The following MORC1 variants were observed in gnomAD, a reference collection of about 807,000 sequenced individuals.
The protein encoded by MORC1 is MORC family CW-type zinc finger 1.
A neutral mutation model predicts 134.9 loss-of-function variants in MORC1; 59 were observed. The observed-to-expected ratio is 0.44, with a 90% CI of 0.35 to 0.54. The LOEUF is 0.54. Ranked by LOEUF, MORC1 falls within the 20% of genes least tolerant of loss-of-function variation. The pLI is 0.00. For synonymous variants in MORC1, 395 were observed against 391.7 expected (o/e 1.01, Z -0.10); for missense variants, 947 against 1,134.5 (o/e 0.83, Z 2.37).
chr3:109,041,775 G>A (rs914203433), intron 14 of MORC1, among the ~76,000 whole-genome samples: 2 of 152,200 alleles, frequency 1.3e-5, no homozygotes, highest in African/African-American at 4.8e-5. Flanking sequence ...TGAACCAGAA[G>A]GCGGAGGTTG....
intron 21 of MORC1, among the ~76,000 whole-genome samples, chr3:108,996,286 GCA>G (rs66629906): frequency 0.022 from 3,283 of 146,448 alleles, 64 homozygotes; most frequent in Non-Finnish European, 0.034. Flanking sequence ...GCGCGCGCGC[GCA>G]CACACACACA....
chr3:108,986,836 A>T lies in MORC1; in HGVS notation c.2257+44T>A, dbSNP rs745660046. On this transcript the variant is annotated intron_variant, in intron 22 of 27. Transcript: ENST00000232603. ...AAGCCATATTGAAAATGTCTCAAACATTATAGCTAATATATATATATACAT... is the reference window on the plus strand; with the variant it reads ...AAGCCATATTGAAAATGTCTCAAACTTTATAGCTAATATATATATATACAT... The T allele has an allele frequency of 3.0e-6, 4 of 1,324,278 alleles. No individual in the cohort carries two copies. In the African/African-American group the frequency reaches 4.5e-5, roughly 15 times the overall value. The allele number at this position is 1,324,278 out of a possible 1,614,324, so 82.0% of individuals were successfully genotyped here.
At chr3:109,027,271 A>G (rs1949099727) in intron 17 of MORC1, among the ~76,000 whole-genome samples, 1 of 152,216 alleles carries the variant, frequency 6.6e-6, no homozygotes, top group Non-Finnish European at 1.5e-5. Context: ...GATTGATAGT[A>G]ATGTTTTATT....
intron 14 of MORC1, 152 bp from the exon 15 acceptor site, chr3:109,035,620 T>C (rs9841629): frequency 0.24 from 114,709 of 479,564 alleles, 15,183 homozygotes; most frequent in Middle Eastern, 0.37. Flanking sequence ...CAATATTGGT[T>C]GTCTCTGAAT....
At chr3:108,984,634 T>C in intron 23 of MORC1, 82 bp downstream of exon 23, 1 of 1,074,010 alleles carries the variant, frequency 9.3e-7, no homozygotes, top group Non-Finnish European at 1.3e-6. Flanking sequence ...ATTTCCTTTC[T>C]TCTTGTATTT....
intron 14 of MORC1, among the ~76,000 whole-genome samples, chr3:109,039,206 G>T (rs1453597695): frequency 6.6e-6 from 1 of 152,114 alleles, no homozygotes; most frequent in Non-Finnish European, 1.5e-5. Context: ...GTGAGCCACC[G>T]TGCCCCGCCT....
chr3:109,068,870 G>T (rs1950255240), intron 9 of MORC1, among the ~76,000 whole-genome samples: 1 of 152,150 alleles, frequency 6.6e-6, no homozygotes, highest in Non-Finnish European at 1.5e-5. Context: ...CGGGCCTGGT[G>T]GGTGGCCAAG....
chr3:109,006,992 A>G, intron 18 of MORC1, 37 bp downstream of exon 18: 1 of 1,523,852 alleles, frequency 6.6e-7, no homozygotes. Flanking sequence ...TGGTTAAAAC[A>G]TGACACAAAT....
intron 24 of MORC1, among the ~76,000 whole-genome samples, chr3:108,978,236 C>T (rs556465179): frequency 1.3e-5 from 2 of 152,310 alleles, no homozygotes; most frequent in South Asian, 4.1e-4. Context: ...GCTTTTGTCC[C>T]ATTTCCAGGC....
At chr3:108,966,727 G>A (rs1287067926) in intron 26 of MORC1, among the ~76,000 whole-genome samples, 1 of 152,148 alleles carries the variant, frequency 6.6e-6, no homozygotes, top group African/African-American at 2.4e-5. Flanking sequence ...CAAGCTCAAT[G>A]GGGAAGGATT....
In MORC1 at chr3:109,063,265, G is replaced by T. The variant is rs186283084; in HGVS notation, c.816-34C>A. Reference sequence around the variant, plus strand: ...AAACAAAAAGAACATAATCAAGTCAGATTATCATTTTAAAATACATAAGAC... The same window carrying T: ...AAACAAAAAGAACATAATCAAGTCATATTATCATTTTAAAATACATAAGAC... On this transcript the variant is annotated intron_variant, in intron 9 of 27. Coordinates refer to ENST00000232603, the MANE Select transcript of MORC1 (RefSeq NM_014429.4). 1.9e-4 allele frequency: 263 copies of T among 1,366,454 alleles called. 3 individuals are homozygous for T. In the African/African-American group the frequency reaches 3.3e-3, roughly 17 times the overall value. 84.6% of individuals were successfully genotyped at this position (1,366,454 alleles called of 1,614,324 possible). A position where few individuals can be genotyped will look rare whatever the true frequency, so the allele number is the denominator to read the frequency against.
chr3:109,036,603 C>T (rs1429428248), intron 14 of MORC1, among the ~76,000 whole-genome samples: 5 of 152,096 alleles, frequency 3.3e-5, no homozygotes, highest in African/African-American at 7.2e-5. Flanking sequence ...CCTTAACATA[C>T]GGCTATGTAA....
intron 26 of MORC1, among the ~76,000 whole-genome samples, chr3:108,966,320 C>T (rs148631836): frequency 3.3e-4 from 50 of 152,266 alleles, no homozygotes; most frequent in African/African-American, 1.2e-3. Context: ...AGCAGTTTTG[C>T]AGCTCCAAAA....
At chr3:109,019,398 C>T (rs1948902581) in intron 17 of MORC1, among the ~76,000 whole-genome samples, 1 of 152,212 alleles carries the variant, frequency 6.6e-6, no homozygotes, top group African/African-American at 2.4e-5. Context: ...TTACAATTAG[C>T]AGTTAATTTC....
At chr3:109,090,513 G>C (rs1950696027) in intron 8 of MORC1, among the ~76,000 whole-genome samples, 1 of 151,368 alleles carries the variant, frequency 6.6e-6, no homozygotes, top group African/African-American at 2.4e-5. Flanking sequence ...CCAGCTACTT[G>C]GGAGGCTGGG....
chr3:109,112,244 A>T (rs1951182659), intron 2 of MORC1, among the ~76,000 whole-genome samples: 1 of 152,216 alleles, frequency 6.6e-6, no homozygotes, highest in Non-Finnish European at 1.5e-5. Context: ...CTGAAGAGCT[A>T]TTGTATTAGG....
intron 17 of MORC1, among the ~76,000 whole-genome samples, chr3:109,019,607 A>G (rs55853270): frequency 0.13 from 20,525 of 152,248 alleles, 1,490 homozygotes; most frequent in Non-Finnish European, 0.15. Flanking sequence ...CGTTGGCTGA[A>G]ATCATGGTTC....
At chr3:108,984,676 T>G (rs183063404) in intron 23 of MORC1, 40 bp downstream of exon 23, 4 of 1,368,378 alleles carry the variant, frequency 2.9e-6, no homozygotes, top group Non-Finnish European at 4.1e-6. Flanking sequence ...AGCAGGATAA[T>G]TGCACTCACT....
In MORC1 at chr3:109,005,275, T is replaced by C. The variant is rs1559887010; in HGVS notation, c.1808A>G (p.Asp603Gly). Residue 603 changes from aspartate to glycine, a missense_variant, in exon 19 of 28, where the codon GAC becomes GGC. This residue lies in a region of MORC1 where 722 missense variants were observed against 817.0 expected (regional missense o/e 0.88). Coordinates refer to ENST00000232603, the MANE Select transcript of MORC1 (RefSeq NM_014429.4). ...KTQKIRLLGD[D>G]LKHESLSSFE... ...GGATGAAAGAGATTCATGCTTCAAGTCATCGCCCAAAAGCCTGATTTTCTG... is the reference window on the plus strand; with the variant it reads ...GGATGAAAGAGATTCATGCTTCAAGCCATCGCCCAAAAGCCTGATTTTCTG... The C allele has an allele frequency of 1.2e-6, 2 of 1,608,414 alleles. No individual in the cohort carries two copies. Among genetic ancestry groups the C allele is most frequent in the Non-Finnish European group, 1.7e-6 (2 of 1,178,628 alleles).
Sources: gnomAD v4.1 joint callset for allele counts (sites outside exome capture counted in the v4.1 genomes callset) on GRCh38, gnomAD v4.1.1 for gene constraint, gnomAD v4.1.1 regional missense constraint, MANE v1.5 for transcripts, NCBI Gene and HGNC (gene_info 2026-07-23, HGNC 2026-07-21) for gene names.